Variants in BRPF1 observed in about 807,000 individuals in gnomAD.
BRPF1 encodes the protein bromodomain and PHD finger containing 1.
A neutral mutation model predicts 115.0 loss-of-function variants in BRPF1; 15 were observed. That is an observed-to-expected ratio of 0.13 (90% confidence interval 0.09 to 0.20). The LOEUF (loss-of-function observed/expected upper bound fraction) is 0.20. Among genes scored for constraint, BRPF1 ranks in the 10% least tolerant of loss-of-function variants. The probability of loss-of-function intolerance (pLI) is 1.00; values close to 1 mark genes in which losing one functional copy is unlikely to be tolerated. For missense variants in BRPF1, 1,118 were observed against 1,638.3 expected, an observed-to-expected ratio of 0.68 and a Z score of 5.48; for synonymous variants, 647 against 619.8, an observed-to-expected ratio of 1.04 and a Z score of -0.65.
chr3:9,733,148 C>T (rs768085749), intron 1 of BRPF1: 9 of 152,208 alleles, frequency 5.9e-5, no homozygotes, highest in East Asian at 1.9e-4. Flanking sequence ...GACTAAATGA[C>T]CTCAGTTTTC....
chr3:9,735,130 G>A (rs2125492168), intron 2 of BRPF1, among the ~76,000 whole-genome samples: 1 of 148,022 alleles, frequency 6.8e-6, no homozygotes, highest in Non-Finnish European at 1.5e-5. Flanking sequence ...CTCCCACTCA[G>A]CCTCCTGAGT....
In BRPF1 at chr3:9,743,241, CACA is replaced by C. The variant is rs1226722033; in HGVS notation, c.2300_2302del (p.His767_Thr768delinsPro). The C allele has an allele frequency of 1.2e-6, 2 of 1,612,484 alleles. No individual in the cohort carries two copies. Among genetic ancestry groups the C allele is most frequent in the Non-Finnish European group, 1.7e-6 (2 of 1,178,866 alleles). The stretch of plus-strand genomic sequence containing the variant: ...CCTGGCTGGAGATGAGGCCACACAC[CACA>C]CTGAAGATGGTGGGTGATATATCAC... On this transcript the variant is annotated inframe_deletion, in exon 7 of 14. Coordinates refer to ENST00000383829, the MANE Select transcript of BRPF1 (RefSeq NM_001003694.2). This position sits in a 1 kb window ranked among gnomAD's most constrained non-coding sequence, Gnocchi z 6.1.
At chr3:9,740,418 T>G (rs17050539) in intron 3 of BRPF1, among the ~76,000 whole-genome samples, 6,608 of 152,306 alleles carry the variant, frequency 0.043, 296 homozygotes, top group Admixed American at 0.13. Flanking sequence ...ACTATATATT[T>G]CTGCTGTACA....
chr3:9,742,911 T>C, intron 6 of BRPF1, 33 bp from the exon 7 acceptor site: 1 of 1,597,504 alleles, frequency 6.3e-7, no homozygotes, highest in Non-Finnish European at 8.6e-7. Context: ...GGAGGATATC[T>C]CCACTTAAAA....
At chr3:9,737,142 A>G (rs1559657202) in intron 2 of BRPF1, among the ~76,000 whole-genome samples, 1 of 152,172 alleles carries the variant, frequency 6.6e-6, no homozygotes, top group Non-Finnish European at 1.5e-5. Flanking sequence ...AAAGGCTAAA[A>G]AGGAAGAAGC....
rs995635309 is a variant in BRPF1, at chr3:9,745,421, G to A, written c.3069-152G>A. 2 of 1,010,728 alleles carry A rather than the reference G, an allele frequency of 2.0e-6. No individual in the cohort carries two copies. The highest frequency in any genetic ancestry group is 2.4e-5 in the Admixed American group (1 of 41,414). The allele number at this position is 1,010,728 out of a possible 1,614,324, so 62.6% of individuals were successfully genotyped here. A position where few individuals can be genotyped will look rare whatever the true frequency, so the allele number is the denominator to read the frequency against. Reference sequence around the variant, plus strand: ...CCACCTCTGTTAGGTCATCAGCCTAGCCCCTGTGGGTGTTTGAATTTGAAA... The same window carrying A: ...CCACCTCTGTTAGGTCATCAGCCTAACCCCTGTGGGTGTTTGAATTTGAAA... On this transcript the variant is annotated intron_variant, in intron 10 of 13. Coordinates refer to ENST00000383829, the MANE Select transcript of BRPF1 (RefSeq NM_001003694.2). This position sits in a 1 kb window ranked among gnomAD's most constrained non-coding sequence, Gnocchi z 5.1.
rs928739492 is a variant in BRPF1, at chr3:9,743,106, C to T, written c.2164C>T (p.Arg722Trp). Residue 722 changes from arginine (R) to tryptophan (W), a missense_variant, in exon 7 of 14, where the codon CGG becomes TGG. Arg to Trp is a moderately radical substitution (Grantham distance 101). Coordinates refer to ENST00000383829, the MANE Select transcript of BRPF1 (RefSeq NM_001003694.2). The surrounding 1 kb of genome is among the most constrained non-coding windows in gnomAD (Gnocchi z 6.1). ...TAACGCCAAGGACACCATCTTCTAC[C>T]GGGCAGCAGTGCGGCTTCGTGAGCA... The part of the protein sequence containing the change: ...KYNAKDTIFY[R>W]AAVRLREQGG... 5 of 1,614,248 alleles carry T rather than the reference C, an allele frequency of 3.1e-6. No individual in the cohort carries two copies. Among genetic ancestry groups the T allele is most frequent in the South Asian group, 1.1e-5 (1 of 91,088 alleles).
At chr3:9,742,262 C>G in intron 6 of BRPF1, 91 bp downstream of exon 6, 1 of 1,553,792 alleles carries the variant, frequency 6.4e-7, no homozygotes, top group Non-Finnish European at 8.7e-7. Flanking sequence ...AGATGGGGAC[C>G]TTGAAGAGAG....
chr3:9,735,857 A>G (rs1181849435), intron 2 of BRPF1, among the ~76,000 whole-genome samples: 2 of 152,196 alleles, frequency 1.3e-5, no homozygotes, highest in Admixed American at 1.3e-4. Context: ...AAGGCAAAAA[A>G]GGCATTCTGA....
rs780680117 is a variant in BRPF1 at position 9,743,555 on chromosome 3, T to C, written c.2312-23T>C. 1.2e-6 allele frequency: 2 copies of C among 1,600,158 alleles called. No individual in the cohort carries two copies. Among genetic ancestry groups the C allele is most frequent in the African/African-American group, 1.3e-5 (1 of 74,654 alleles). On this transcript the variant is annotated intron_variant, in intron 7 of 13. Transcript: ENST00000383829. The surrounding 1 kb of genome is among the most constrained non-coding windows in gnomAD (Gnocchi z 6.1). ...CTGAGGGCTGCCCTGAGTCTGACCT[T>C]TCCCCTCCAACCCTACCCCTAGCAG... is the stretch of plus-strand genomic sequence containing the variant.
At position 9,745,692 on chromosome 3, in the gene BRPF1, G is replaced by A. The variant is rs374567525; in HGVS notation, c.3188G>A (p.Arg1063His). 110 of 1,614,092 alleles carry A rather than the reference G, an allele frequency of 6.8e-5. No individual in the cohort carries two copies. Among genetic ancestry groups the A allele is most frequent in the East Asian group, 1.1e-4 (5 of 44,898 alleles). ...ENEAYSVGTG[R>H]GVGHSMVRKS... ...GAGGCCTACTCCGTGGGCACTGGCC[G>A]CGGCGTGGGCCACAGCAGTAAGTTC... is the stretch of plus-strand genomic sequence containing the variant. Residue 1063 changes from arginine (R) to histidine (H), a missense_variant, in exon 11 of 14, where the codon CGC (arginine) becomes CAC (histidine). By Grantham distance (29) the Arg-to-His change is conservative. Transcript: ENST00000383829. The surrounding 1 kb of genome is among the most constrained non-coding windows in gnomAD (Gnocchi z 5.1).
At chr3:9,737,589 C>G (rs572748576) in intron 2 of BRPF1, among the ~76,000 whole-genome samples, 110 of 152,364 alleles carry the variant, frequency 7.2e-4, no homozygotes, top group African/African-American at 2.6e-3. Context: ...GTTCCATTTC[C>G]CACATAAGAG....
rs1379511727 is a variant in BRPF1 at position 9,734,325 on chromosome 3, A to C, written c.185A>C (p.Lys62Thr). Residue 62 changes from lysine (K) to threonine (T), a missense_variant, in exon 2 of 14, where the codon AAG becomes ACG. Physicochemically the swap from Lys to Thr is moderately conservative, Grantham distance 78 (BLOSUM62 -1). This residue lies in a region of BRPF1 where 280 missense variants were observed against 382.8 expected (regional missense o/e 0.73). Coordinates refer to ENST00000383829, the MANE Select transcript of BRPF1 (RefSeq NM_001003694.2). This position sits in a 1 kb window ranked among gnomAD's most constrained non-coding sequence, Gnocchi z 5.7. The stretch of plus-strand genomic sequence containing the variant: ...CAACAAACTCCACTCCGCAAGCACA[A>C]GAAAAAGGGGCGCCAGTCACGCCCA... ...PPQQTPLRKH[K>T]KKGRQSRPAN... 1.2e-6 allele frequency: 2 copies of C among 1,613,950 alleles called. No homozygotes were observed. The highest frequency in any genetic ancestry group is 1.7e-6 in the Non-Finnish European group (2 of 1,180,016).
At position 9,734,545 on chromosome 3, in the gene BRPF1, C is replaced by G. The variant is rs747663907; in HGVS notation, c.405C>G (p.Asn135Lys). 1.9e-6 allele frequency: 3 copies of G among 1,614,116 alleles called. No homozygotes were observed. The highest frequency in any genetic ancestry group is 2.5e-6 in the Non-Finnish European group (3 of 1,180,026). The change falls in exon 2 of 14, where the codon AAC (asparagine) becomes AAG (lysine). Residue 135 changes from asparagine to lysine, a missense_variant. By Grantham distance (94) the Asn-to-Lys change is moderately conservative (BLOSUM62 0). Transcript: ENST00000383829. The surrounding 1 kb of genome is among the most constrained non-coding windows in gnomAD (Gnocchi z 5.7). ...AGGAGGCCCCTGAGAATGGCAGCAA[C>G]AAGGAGAACACTGAGACACCAGCTG... The part of the protein sequence containing the change: ...APEEAPENGS[N>K]KENTETPAAT...
chr3:9,746,016 C>G, intron 12 of BRPF1, 86 bp downstream of exon 12: 2 of 1,435,278 alleles, frequency 1.4e-6, no homozygotes, highest in South Asian at 2.6e-5. Flanking sequence ...CCCTGCTGAG[C>G]TGTGGGGCAC....
chr3:9,744,985 TCCTCCCCTTC>T lies in BRPF1; in HGVS notation c.2921-19_2921-10del. On this transcript the variant is annotated splice_polypyrimidine_tract_variant and intron_variant, in intron 9 of 13. Coordinates refer to ENST00000383829, the MANE Select transcript of BRPF1 (RefSeq NM_001003694.2). ...ACATCTTCCTGACCGGTTCCTTCCC[TCCTCCCCTTC>T]CCTTCAACCAAGACTTACCAGCCAA... The T allele has an allele frequency of 6.2e-7, 1 of 1,614,094 alleles. No homozygotes were observed. Among genetic ancestry groups the T allele is most frequent in the Non-Finnish European group, 8.5e-7 (1 of 1,179,988 alleles).
In BRPF1 at chr3:9,743,693, G is replaced by C. The variant is rs745722685; in HGVS notation, c.2427G>C (p.Val809=). ...AAGTGAATGCCAGCAAGCAGAGTGT[G>C]GGCCGCTCACGGCGTGCAAAGATGA... ...LDEVNASKQS[V]GRSRRAKMIK... The change falls in exon 8 of 14, where the codon GTG becomes GTC. Residue 809 remains valine, a synonymous_variant. Coordinates refer to ENST00000383829, the MANE Select transcript of BRPF1 (RefSeq NM_001003694.2). This position sits in a 1 kb window ranked among gnomAD's most constrained non-coding sequence, Gnocchi z 6.1. 25 of 1,614,058 alleles carry C rather than the reference G, an allele frequency of 1.5e-5. No homozygotes were observed. The highest frequency in any genetic ancestry group is 1.9e-5 in the Non-Finnish European group (22 of 1,180,048).
At chr3:9,736,412 T>G (rs1194254396) in intron 2 of BRPF1, among the ~76,000 whole-genome samples, 1 of 152,186 alleles carries the variant, frequency 6.6e-6, no homozygotes. Flanking sequence ...TCCTCTCCCA[T>G]TCTTTCATCT....
chr3:9,734,274 A>C lies in BRPF1; in HGVS notation c.134A>C (p.Tyr45Ser). The C allele has an allele frequency of 6.2e-7, 1 of 1,614,130 alleles. No homozygotes were observed. Among genetic ancestry groups the C allele is most frequent in the Non-Finnish European group, 8.5e-7 (1 of 1,180,024 alleles). ...GGTATTGAGTACCACCTGTACCACT[A>C]TGACCACGACAACCCACCACCCCCA... ...YSGIEYHLYH[Y>S]DHDNPPPPQQ... The change falls in exon 2 of 14, where the codon TAT (tyrosine) becomes TCT (serine). Residue 45 changes from tyrosine to serine, a missense_variant. Tyr to Ser is a moderately radical substitution (Grantham distance 144). Coordinates refer to ENST00000383829, the MANE Select transcript of BRPF1 (RefSeq NM_001003694.2). This position sits in a 1 kb window ranked among gnomAD's most constrained non-coding sequence, Gnocchi z 5.7.
Sources: allele counts gnomAD v4.1 joint callset (sites outside exome capture counted in the v4.1 genomes callset), GRCh38; gene constraint gnomAD v4.1.1; regional missense constraint gnomAD v4.1.1; non-coding constraint Gnocchi (gnomAD v3.1); transcripts MANE v1.5; gene names NCBI Gene and HGNC (gene_info 2026-07-23, HGNC 2026-07-21).